The following KIF5C variants were observed in gnomAD, a reference collection of about 807,000 sequenced individuals.
KIF5C encodes kinesin heavy chain isoform 5C.
Under a neutral mutation model 125.2 loss-of-function variants are expected in KIF5C, and 18 were observed. The observed-to-expected ratio is 0.14, with a 90% CI of 0.10 to 0.21. The LOEUF is 0.21. Ranked by LOEUF, KIF5C falls within the 10% of genes least tolerant of loss-of-function variation. The probability of loss-of-function intolerance (pLI) is 1.00; values close to 1 mark genes in which losing one functional copy is unlikely to be tolerated. For synonymous variants in KIF5C, 405 were observed against 434.0 expected, an observed-to-expected ratio of 0.93 and a Z score of 0.83; for missense variants, 780 against 1,183.8, an observed-to-expected ratio of 0.66 and a Z score of 5.01.
At chr2:148,934,622 A>G (rs1682253519) in intron 3 of KIF5C, among the ~76,000 whole-genome samples, 1 of 151,142 alleles carries the variant, frequency 6.6e-6, no homozygotes, top group African/African-American at 2.4e-5. Flanking sequence ...CACATATACA[A>G]TACACACACG....
chr2:148,997,508 G>A, intron 18 of KIF5C, 168 bp downstream of exon 18: 1 of 1,281,208 alleles, frequency 7.8e-7, no homozygotes, highest in Non-Finnish European at 1.1e-6. Flanking sequence ...GCCTGGCTTA[G>A]AAATGAACAA....
chr2:148,954,312 A>C (rs1237405473), intron 10 of KIF5C, among the ~76,000 whole-genome samples: 5 of 152,248 alleles, frequency 3.3e-5, no homozygotes, highest in Non-Finnish European at 7.3e-5. Context: ...ATTACGAGGC[A>C]GTAGAAAGTC....
At chr2:148,944,152 T>G (rs1267769959) in intron 7 of KIF5C, among the ~76,000 whole-genome samples, 2 of 152,212 alleles carry the variant, frequency 1.3e-5, no homozygotes, top group African/African-American at 4.8e-5. Context: ...AAGGTTTTTC[T>G]TTATTATTGC....
intron 12 of KIF5C, among the ~76,000 whole-genome samples, chr2:148,978,343 T>TTG (rs1553468516): frequency 4.8e-5 from 7 of 144,744 alleles, no homozygotes; most frequent in African/African-American, 1.9e-4. Context: ...GGTTTTTTTT[T>TTG]TTTTTTTTTT....
intron 14 of KIF5C, 50 bp downstream of exon 14, chr2:148,981,611 G>A (rs1311568552): frequency 2.0e-6 from 3 of 1,522,042 alleles, no homozygotes; most frequent in Non-Finnish European, 1.8e-6. Flanking sequence ...TGCCGTTCCT[G>A]TACTCATATT....
At chr2:148,997,579 A>T (rs1681714574) in intron 18 of KIF5C, 1 of 600,706 alleles carries the variant, frequency 1.7e-6, no homozygotes, top group Non-Finnish European at 2.7e-6. Context: ...CTTTGTCTTC[A>T]CCATTCCTGA....
At chr2:148,898,911 A>T (rs750085251) in intron 1 of KIF5C, among the ~76,000 whole-genome samples, 1 of 152,236 alleles carries the variant, frequency 6.6e-6, no homozygotes, top group Non-Finnish European at 1.5e-5. Context: ...TTACCAGAAG[A>T]TATCTGTTCC....
At chr2:148,942,883 T>C in intron 7 of KIF5C, 123 bp downstream of exon 7, 1 of 1,504,728 alleles carries the variant, frequency 6.6e-7, no homozygotes. Context: ...TAAAGAGCAG[T>C]GCTCGGACAC....
chr2:148,994,096 C>T (rs1233411461), intron 16 of KIF5C, among the ~76,000 whole-genome samples: 2 of 152,152 alleles, frequency 1.3e-5, no homozygotes, highest in African/African-American at 2.4e-5. Context: ...GCACTTTTCC[C>T]AGCCCCTTTC....
chr2:148,983,622 T>G lies in KIF5C; in HGVS notation c.1572T>G (p.Thr524=), dbSNP rs745679371. The part of the protein sequence containing the change: ...QLTDELAQKT[T]TLTTTQRELS... ...TGTTGTTGAAATTTGTTTTTCAGACTACATTGACAACCACACAGAGAGAGC... is the reference window on the plus strand; with the variant it reads ...TGTTGTTGAAATTTGTTTTTCAGACGACATTGACAACCACACAGAGAGAGC... Residue 524 remains threonine, a splice_region_variant and synonymous_variant, in exon 15 of 26, where the codon ACT becomes ACG. Transcript: ENST00000435030. 3 of 1,558,560 alleles carry G rather than the reference T, an allele frequency of 1.9e-6. No individual in the cohort carries two copies. Among genetic ancestry groups the G allele is most frequent in the Admixed American group, 1.9e-5 (1 of 52,174 alleles).
chr2:148,894,597 A>G (rs1413563383), intron 1 of KIF5C, among the ~76,000 whole-genome samples: 1 of 152,134 alleles, frequency 6.6e-6, no homozygotes, highest in Non-Finnish European at 1.5e-5. Flanking sequence ...TAACCAGGCT[A>G]TAACCAGTGA....
rs79993769 is a variant in KIF5C, at chr2:148,995,789, A to C, written c.2023+1251A>C. On this transcript the variant is annotated intron_variant, in intron 17 of 25. Transcript: ENST00000435030. ...CATGAAATACATGAAGGTGTGCAGC[A>C]ATGTTTATGATGCAATGTTAGGTGA... 7.2e-3 allele frequency among the ~76,000 whole-genome samples: 1,101 copies of C among 152,362 alleles called. 18 individuals carry two copies. Among genetic ancestry groups the C allele is most frequent in the African/African-American group, 0.026 (1,064 of 41,586 alleles).
chr2:148,899,854 A>G (rs528677597), intron 1 of KIF5C, among the ~76,000 whole-genome samples: 1 of 152,006 alleles, frequency 6.6e-6, no homozygotes, highest in Non-Finnish European at 1.5e-5. Flanking sequence ...TTCCCTTCTC[A>G]TATTTCTGTG....
intron 7 of KIF5C, among the ~76,000 whole-genome samples, chr2:148,943,250 G>A (rs1216545836): frequency 1.3e-5 from 2 of 152,186 alleles, no homozygotes; most frequent in East Asian, 1.9e-4. Context: ...GCAGAGCCAG[G>A]AGCTTTAGGG....
At chr2:148,922,548 G>A (rs1681830349) in intron 2 of KIF5C, among the ~76,000 whole-genome samples, 1 of 152,174 alleles carries the variant, frequency 6.6e-6, no homozygotes, top group Non-Finnish European at 1.5e-5. Context: ...CTGCAGGTAT[G>A]GAACCTCCTT....
intron 1 of KIF5C, among the ~76,000 whole-genome samples, chr2:148,918,496 T>C (rs779779712): frequency 3.3e-5 from 5 of 152,082 alleles, no homozygotes; most frequent in Non-Finnish European, 7.3e-5. Flanking sequence ...CTGGGTGGGG[T>C]TGGGGCTCCT....
At chr2:149,002,632 T>G (rs1681884187) in intron 21 of KIF5C, among the ~76,000 whole-genome samples, 1 of 152,096 alleles carries the variant, frequency 6.6e-6, no homozygotes, top group African/African-American at 2.4e-5. Context: ...CTTGCTTGCC[T>G]TCACTCACAC....
intron 11 of KIF5C, among the ~76,000 whole-genome samples, chr2:148,970,376 A>G (rs908799278): frequency 1.3e-5 from 2 of 152,210 alleles, no homozygotes; most frequent in African/African-American, 4.8e-5. Flanking sequence ...GACTTTGAAC[A>G]ATATTGCCTT....
At chr2:148,964,771 A>G (rs1473813200) in intron 11 of KIF5C, among the ~76,000 whole-genome samples, 1 of 151,908 alleles carries the variant, frequency 6.6e-6, no homozygotes, top group Non-Finnish European at 1.5e-5. Context: ...CTGGCCTGAG[A>G]TGGGCTCGAG....
Sources: gnomAD v4.1 joint callset for allele counts (sites outside exome capture counted in the v4.1 genomes callset) on GRCh38, gnomAD v4.1.1 for gene constraint, MANE v1.5 for transcripts, NCBI Gene and HGNC (gene_info 2026-07-23, HGNC 2026-07-21) for gene names.